The following PIGL variants were observed in gnomAD, a reference collection of about 807,000 sequenced individuals.
PIGL encodes the protein N-acetylglucosaminyl-phosphatidylinositol de-N-acetylase.
In PIGL, 22 loss-of-function variants were observed where a neutral mutation model predicts 31.1. The ratio of observed to expected loss-of-function variants is 0.71; its 90% CI spans 0.51 to 1.01. The LOEUF (loss-of-function observed/expected upper bound fraction) is 1.01, where lower values mean the gene tolerates loss of function less well. Ranked by LOEUF, PIGL falls within the 50% of genes least tolerant of loss-of-function variation. The probability of loss-of-function intolerance (pLI) is 0.00; values close to 1 mark genes in which losing one functional copy is unlikely to be tolerated. For missense variants in PIGL, 302 were observed against 315.9 expected (o/e 0.96, Z 0.33); for synonymous variants, 131 against 117.4 (o/e 1.12, Z -0.75).
chr17:16,219,563 G>GT (rs1271515010), intron 1 of PIGL, among the ~76,000 whole-genome samples: 8 of 151,582 alleles, frequency 5.3e-5, no homozygotes, highest in Non-Finnish European at 1.2e-4. Flanking sequence ...TTGGTGGGGG[G>GT]TTTTTTGTTT....
intron 2 of PIGL, among the ~76,000 whole-genome samples, chr17:16,271,951 C>G (rs1363587300): frequency 6.6e-6 from 1 of 151,960 alleles, no homozygotes; most frequent in Non-Finnish European, 1.5e-5. Context: ...TTTCAAACTC[C>G]TGGCCTCAAG....
intron 3 of PIGL, among the ~76,000 whole-genome samples, chr17:16,307,630 G>A (rs1051834030): frequency 9.2e-5 from 14 of 152,118 alleles, no homozygotes; most frequent in East Asian, 1.9e-4. Context: ...TAAGTGCTCA[G>A]TAATGTCATT....
At chr17:16,263,808 A>C (rs1466945540) in intron 2 of PIGL, among the ~76,000 whole-genome samples, 1 of 138,158 alleles carries the variant, frequency 7.2e-6, no homozygotes, top group African/African-American at 2.8e-5. Context: ...GGTGTGAGCC[A>C]CCACACCCAG....
intron 2 of PIGL, among the ~76,000 whole-genome samples, chr17:16,250,450 T>C (rs1160814454): frequency 2.6e-5 from 4 of 152,154 alleles, no homozygotes; most frequent in Admixed American, 2.6e-4. Context: ...TGCCTCCAAA[T>C]ACAGTCACAT....
chr17:16,283,801 G>T (rs529961671), intron 2 of PIGL, among the ~76,000 whole-genome samples: 1 of 152,312 alleles, frequency 6.6e-6, no homozygotes, highest in African/African-American at 2.4e-5. Flanking sequence ...TGTTGAATAT[G>T]AGTAAGAACC....
intron 1 of PIGL, among the ~76,000 whole-genome samples, chr17:16,233,632 C>T (rs1172228765): frequency 3.3e-5 from 5 of 152,056 alleles, no homozygotes; most frequent in African/African-American, 4.8e-5. Flanking sequence ...TCTGAGTGGT[C>T]GTACATGGTG....
intron 2 of PIGL, among the ~76,000 whole-genome samples, chr17:16,238,493 TG>T (rs1357830473): frequency 6.9e-6 from 1 of 144,562 alleles, no homozygotes; most frequent in Non-Finnish European, 1.5e-5. Context: ...TGCAGTGCAG[TG>T]GTGTGATCTC....
At chr17:16,220,509 G>A (rs1378402674) in intron 1 of PIGL, among the ~76,000 whole-genome samples, 6 of 104,840 alleles carry the variant, frequency 5.7e-5, no homozygotes, top group Non-Finnish European at 1.1e-4. Context: ...TTTTTTTTGA[G>A]GCAGAGTCTC....
At chr17:16,269,332 C>T (rs1024292888) in intron 2 of PIGL, among the ~76,000 whole-genome samples, 10 of 152,158 alleles carry the variant, frequency 6.6e-5, no homozygotes, top group Admixed American at 5.2e-4. Context: ...AGAGGTTGAT[C>T]TGCAGCCTAG....
chr17:16,301,752 T>G (rs950786336), intron 3 of PIGL, among the ~76,000 whole-genome samples: 8 of 151,768 alleles, frequency 5.3e-5, no homozygotes, highest in Non-Finnish European at 7.4e-5. Context: ...TTTGTATTTT[T>G]AATAGAGATG....
At chr17:16,260,758 T>C (rs973041274) in intron 2 of PIGL, among the ~76,000 whole-genome samples, 1 of 152,144 alleles carries the variant, frequency 6.6e-6, no homozygotes, top group African/African-American at 2.4e-5. Context: ...CACCCTCTAG[T>C]TGTCCGTGTA....
intron 1 of PIGL, among the ~76,000 whole-genome samples, chr17:16,231,737 G>A (rs2092680285): frequency 6.6e-6 from 1 of 152,018 alleles, no homozygotes. Context: ...AGACTACTAA[G>A]CATACAATTG....
chr17:16,228,183 C>G lies in PIGL; in HGVS notation c.236-5788C>G, dbSNP rs149170991. Among the ~76,000 whole-genome samples, 30 of 150,880 alleles carry G rather than the reference C, an allele frequency of 2.0e-4. 1 individual carries two copies. The highest frequency in any genetic ancestry group is 7.1e-4 in the African/African-American group (29 of 41,110). On this transcript the variant is annotated intron_variant, in intron 1 of 6. Coordinates refer to ENST00000225609, the MANE Select transcript of PIGL (RefSeq NM_004278.4). ...TCTCCTACCTCAGCCCCCTGAATAGCTGGGATTACAGGCACCCACCACCAC... is the reference window on the plus strand; with the variant it reads ...TCTCCTACCTCAGCCCCCTGAATAGGTGGGATTACAGGCACCCACCACCAC...
chr17:16,242,482 AT>A (rs1482914732), intron 2 of PIGL, among the ~76,000 whole-genome samples: 1 of 152,030 alleles, frequency 6.6e-6, no homozygotes, highest in Non-Finnish European at 1.5e-5. Flanking sequence ...ATGTAGCTTT[AT>A]TGATTTTTTA....
At chr17:16,320,081 T>A (rs1600867837) in intron 6 of PIGL, among the ~76,000 whole-genome samples, 1 of 146,910 alleles carries the variant, frequency 6.8e-6, no homozygotes, top group East Asian at 2.0e-4. Flanking sequence ...AGCCCAGGAG[T>A]TTGTGTCTGC....
chr17:16,278,058 CTTTT>C (rs57845853), intron 2 of PIGL, among the ~76,000 whole-genome samples: 5,520 of 141,212 alleles, frequency 0.039, 335 homozygotes, highest in African/African-American at 0.13. Context: ...AAACTCAATT[CTTTT>C]TTTTTTTTTT....
chr17:16,262,087 G>C (rs899802782), intron 2 of PIGL, among the ~76,000 whole-genome samples: 3 of 151,940 alleles, frequency 2.0e-5, no homozygotes, highest in Non-Finnish European at 4.4e-5. Context: ...GCCGGGTGTG[G>C]TGGTGCGCAC....
chr17:16,323,491 C>G (rs2093114413), intron 6 of PIGL, among the ~76,000 whole-genome samples: 1 of 152,068 alleles, frequency 6.6e-6, no homozygotes, highest in Non-Finnish European at 1.5e-5. Context: ...ACCTCAACCT[C>G]CCAAAGTGGT....
In PIGL at chr17:16,313,453, G is replaced by A. The variant is rs1600858891; in HGVS notation, c.427-94G>A. 7 of 902,496 alleles carry A rather than the reference G, an allele frequency of 7.8e-6. No homozygotes were observed. The East Asian group carries it at 1.4e-4, about 19-fold the overall frequency. The allele number at this position is 902,496 out of a possible 1,614,324, so 55.9% of individuals were successfully genotyped here. On this transcript the variant is annotated intron_variant, in intron 3 of 6. Coordinates refer to ENST00000225609, the MANE Select transcript of PIGL (RefSeq NM_004278.4). ...GATGCTGCATTTGAAAAGTTTCAGG[G>A]TTCTGTTCTCTCCTTCCCAAGGGAA...
Sources: gnomAD v4.1 joint callset for allele counts (sites outside exome capture counted in the v4.1 genomes callset) on GRCh38, gnomAD v4.1.1 for gene constraint, MANE v1.5 for transcripts, NCBI Gene and HGNC (gene_info 2026-07-23, HGNC 2026-07-21) for gene names.